The following HCRTR2 variants were observed in gnomAD, a reference collection of about 807,000 sequenced individuals.
The protein encoded by HCRTR2 is hypocretin receptor 2.
HCRTR2 carries 22 observed loss-of-function variants against 49.0 expected under a neutral mutation model. That is an observed-to-expected ratio of 0.45 (90% confidence interval 0.32 to 0.64). HCRTR2 has a LOEUF of 0.64. Among genes scored for constraint, HCRTR2 ranks in the 30% least tolerant of loss-of-function variants. The pLI is 0.04. For synonymous variants in HCRTR2, 236 were observed against 205.3 expected (o/e 1.15, Z -1.28); for missense variants, 491 against 559.4 (o/e 0.88, Z 1.23).
chr6:55,222,539 TATATA>T (rs1765918976), intron 1 of HCRTR2, among the ~76,000 whole-genome samples: 1 of 152,164 alleles, frequency 6.6e-6, no homozygotes, highest in South Asian at 2.1e-4. Flanking sequence ...ACAAATGAAA[TATATA>T]ATGACAGATG....
Position 55,116,724 on chromosome 6 carries a change from A to AAAAAAAAAAAAC in HCRTR2, c.-378+10183_-378+10184insAAAAAAACAAAA, listed in dbSNP as rs372864594. ...ACTGTAAAGAGAGAGAGAAAAAAAA[A>AAAAAAAAAAAAC]AAAACTCTTATTCCAGTGGCAACAG... On this transcript the variant is annotated intron_variant, in intron 1 of 7. Coordinates refer to the HCRTR2 transcript ENST00000615358. Among the ~76,000 whole-genome samples, 6 of 144,230 alleles carry AAAAAAAAAAAAC rather than the reference A, an allele frequency of 4.2e-5. 1 individual carries two copies. Among genetic ancestry groups the AAAAAAAAAAAAC allele is most frequent in the African/African-American group, 5.0e-5 (2 of 39,728 alleles). The allele number at this position is 144,230 out of a possible 152,430, so 94.6% of individuals were successfully genotyped here. A position where few individuals can be genotyped will look rare whatever the true frequency, so the allele number is the denominator to read the frequency against.
chr6:55,264,437 A>G (rs1452526487), intron 4 of HCRTR2, among the ~76,000 whole-genome samples: 1 of 152,152 alleles, frequency 6.6e-6, no homozygotes, highest in Admixed American at 6.6e-5. Flanking sequence ...CCTGAAATAC[A>G]TATCATGAAC....
At chr6:55,120,810 A>G (rs1293452865) in intron 1 of HCRTR2, among the ~76,000 whole-genome samples, 4 of 151,376 alleles carry the variant, frequency 2.6e-5, no homozygotes, top group Admixed American at 6.6e-5. Flanking sequence ...GTGGTGAGAG[A>G]TCTGTTCTGT....
intron 1 of HCRTR2, among the ~76,000 whole-genome samples, chr6:55,198,295 C>A (rs745499912): frequency 6.6e-6 from 1 of 152,084 alleles, no homozygotes; most frequent in African/African-American, 2.4e-5. Flanking sequence ...TATCTCCAAC[C>A]CTAACCCTAA....
intron 3 of HCRTR2, among the ~76,000 whole-genome samples, chr6:55,260,248 T>C (rs1167155072): frequency 6.6e-6 from 1 of 152,134 alleles, no homozygotes; most frequent in Non-Finnish European, 1.5e-5. Flanking sequence ...TTCGCAGGTA[T>C]GTAAGCTTCA....
intron 1 of HCRTR2, among the ~76,000 whole-genome samples, chr6:55,127,389 C>T (rs1198416433): frequency 1.3e-5 from 2 of 152,196 alleles, no homozygotes; most frequent in South Asian, 2.1e-4. Flanking sequence ...AGCTTGCCCT[C>T]CAAAGCATTC....
chr6:55,277,419 C>A lies in HCRTR2; in HGVS notation c.802C>A (p.Pro268Thr). ...ATCTGTAGTTCAGAGAAAATGGAAG[C>A]CCCTGCAGCCTGTTTCACAGCCTCG... ...TSSVVQRKWKPLQPVSQPRGP... is the reference protein window; with the variant it reads ...TSSVVQRKWKTLQPVSQPRGP... Residue 268 changes from proline (P) to threonine (T), a missense_variant, in exon 5 of 7, where the codon CCC (proline) becomes ACC (threonine). Coordinates refer to ENST00000370862, the MANE Select transcript of HCRTR2 (RefSeq NM_001384272.1). 5 of 1,614,054 alleles carry A rather than the reference C, an allele frequency of 3.1e-6. No individual in the cohort carries two copies. The highest frequency in any genetic ancestry group is 4.2e-6 in the Non-Finnish European group (5 of 1,179,966).
At chr6:55,284,600 G>A (rs774245480), downstream of HCRTR2, among the ~76,000 whole-genome samples, 6 of 152,046 alleles carry the variant, frequency 3.9e-5, no homozygotes, top group South Asian at 2.1e-4. Flanking sequence ...CATCGCTACC[G>A]TCAACGTGGT....
At chr6:55,140,273 T>G (rs372336674) in intron 1 of HCRTR2, among the ~76,000 whole-genome samples, 1 of 152,212 alleles carries the variant, frequency 6.6e-6, no homozygotes, top group Admixed American at 6.5e-5. Flanking sequence ...TTAAGGCCTA[T>G]AGAAAATATT....
chr6:55,214,239 A>C (rs987004648), intron 1 of HCRTR2, among the ~76,000 whole-genome samples: 1 of 150,324 alleles, frequency 6.7e-6, no homozygotes. Flanking sequence ...AAAAGAATAG[A>C]GGCCCCAGAA....
chr6:55,262,325 ATT>A (rs914246650), intron 3 of HCRTR2, among the ~76,000 whole-genome samples: 24 of 142,828 alleles, frequency 1.7e-4, no homozygotes, highest in Admixed American at 5.9e-4. Context: ...ATAAATATAT[ATT>A]ATATGTTATA....
chr6:55,114,755 C>T (rs144862277), intron 1 of HCRTR2, among the ~76,000 whole-genome samples: 7 of 151,660 alleles, frequency 4.6e-5, no homozygotes, highest in Admixed American at 2.0e-4. Flanking sequence ...AATTAATGCT[C>T]GTATTTTTAT....
chr6:55,174,559 C>T lies in HCRTR2; in HGVS notation c.-29C>T. On this transcript the variant is annotated 5_prime_UTR_variant, in exon 1 of 7. Coordinates refer to ENST00000370862, the MANE Select transcript of HCRTR2 (RefSeq NM_001384272.1). The stretch of plus-strand genomic sequence containing the variant: ...GGGGCAGGCGGAGAGGAGCTTGCAG[C>T]ATTGAGCGGAACCGGACTTGAGCCC... 4 of 1,572,590 alleles carry T rather than the reference C, an allele frequency of 2.5e-6. No individual in the cohort carries two copies. Among genetic ancestry groups the T allele is most frequent in the Non-Finnish European group, 3.5e-6 (4 of 1,142,338 alleles).
intron 1 of HCRTR2, among the ~76,000 whole-genome samples, chr6:55,116,943 T>C (rs180887290): frequency 2.0e-5 from 3 of 151,860 alleles, no homozygotes; most frequent in Admixed American, 1.3e-4. Context: ...CATTAGAGAT[T>C]GGACATTAAA....
At chr6:55,110,038 C>T (rs968128703) in intron 1 of HCRTR2, among the ~76,000 whole-genome samples, 1 of 152,066 alleles carries the variant, frequency 6.6e-6, no homozygotes, top group African/African-American at 2.4e-5. Context: ...AGAGACCCTA[C>T]AAGATAGAAG....
At chr6:55,136,788 A>G (rs1038687194) in intron 1 of HCRTR2, among the ~76,000 whole-genome samples, 6 of 152,172 alleles carry the variant, frequency 3.9e-5, no homozygotes, top group Non-Finnish European at 8.8e-5. Flanking sequence ...GCTGGAACCT[A>G]CAAGGCTCCT....
At chr6:55,193,372 T>A (rs559172391) in intron 1 of HCRTR2, among the ~76,000 whole-genome samples, 4 of 152,040 alleles carry the variant, frequency 2.6e-5, no homozygotes, top group Non-Finnish European at 4.4e-5. Context: ...AGGCAGAGCA[T>A]TAAGAAAGTG....
At chr6:55,170,591 A>C (rs1419374132), upstream of HCRTR2, among the ~76,000 whole-genome samples, 2 of 138,248 alleles carry the variant, frequency 1.4e-5, no homozygotes, top group Non-Finnish European at 1.6e-5. Flanking sequence ...TTATTTATTT[A>C]TTTTTATTAT....
At chr6:55,235,144 A>G (rs1766190175) in intron 1 of HCRTR2, among the ~76,000 whole-genome samples, 1 of 152,170 alleles carries the variant, frequency 6.6e-6, no homozygotes, top group South Asian at 2.1e-4. Context: ...TGGTGTTACA[A>G]ATCAGTATAC....
Sources: gnomAD v4.1 joint callset for allele counts (sites outside exome capture counted in the v4.1 genomes callset) on GRCh38, gnomAD v4.1.1 for gene constraint, MANE v1.5 for transcripts, NCBI Gene and HGNC (gene_info 2026-07-23, HGNC 2026-07-21) for gene names.